KCTD9: variants seen among roughly 807,000 people sequenced by gnomAD.
KCTD9 encodes the protein potassium channel tetramerization domain containing 9, also known as BTB/POZ domain-containing protein KCTD9.
A neutral mutation model predicts 53.3 loss-of-function variants in KCTD9; 17 were observed. The ratio of observed to expected loss-of-function variants is 0.32; its 90% CI spans 0.22 to 0.48. KCTD9 has a LOEUF of 0.48. KCTD9 is among the 20% of genes least tolerant of loss of function. KCTD9 has a pLI of 0.99. For missense variants in KCTD9, 179 were observed against 465.5 expected (o/e 0.38, Z 5.66); for synonymous variants, 128 against 162.7 (o/e 0.79, Z 1.62).
intron 11 of KCTD9, among the ~76,000 whole-genome samples, chr8:25,431,709 C>T (rs1801933820): frequency 6.6e-6 from 1 of 151,782 alleles, no homozygotes; most frequent in Non-Finnish European, 1.5e-5. Flanking sequence ...TTCTTTTTGC[C>T]TTGAAGTTGA....
chr8:25,441,274 A>C (rs1228387943), intron 3 of KCTD9, among the ~76,000 whole-genome samples: 1 of 152,172 alleles, frequency 6.6e-6, no homozygotes, highest in African/African-American at 2.4e-5. Flanking sequence ...TCACAAAAAC[A>C]ACAGAAAAGG....
At chr8:25,445,519 C>T (rs1802200017) in intron 2 of KCTD9, among the ~76,000 whole-genome samples, 1 of 152,114 alleles carries the variant, frequency 6.6e-6, no homozygotes, top group South Asian at 2.1e-4. Context: ...ATAGTCAATA[C>T]TTAATTTGTG....
At chr8:25,442,910 A>T in intron 3 of KCTD9, among the ~76,000 whole-genome samples, 1 of 152,198 alleles carries the variant, frequency 6.6e-6, no homozygotes, top group East Asian at 1.9e-4. Context: ...ATGTGACATT[A>T]TAATTCTATT....
Position 25,458,284 on chromosome 8 carries a change from C to T in KCTD9, c.-38G>A. On this transcript the variant is annotated 5_prime_UTR_variant, in exon 1 of 12. Transcript: ENST00000221200. ...GCTGGGTCCTGAGTGAGCCGCCACCCTCCCACCTGGTCCTCCTCCCACCTT... is the reference window on the plus strand; with the variant it reads ...GCTGGGTCCTGAGTGAGCCGCCACCTTCCCACCTGGTCCTCCTCCCACCTT... 2 of 1,608,386 alleles carry T rather than the reference C, an allele frequency of 1.2e-6. No homozygotes were observed. Among genetic ancestry groups the T allele is most frequent in the Non-Finnish European group, 1.7e-6 (2 of 1,177,882 alleles).
chr8:25,435,427 A>C lies in KCTD9; in HGVS notation c.749T>G (p.Leu250Arg). The C allele has an allele frequency of 6.2e-7, 1 of 1,612,498 alleles. No homozygotes were observed. The highest frequency in any genetic ancestry group is 8.5e-7 in the Non-Finnish European group (1 of 1,179,216). ...FKMANLSRCN[L>R]AHANLCCANL... is the part of the protein sequence containing the mutation. ...TGCACAGCAAAGATTTGCATGTGCAAGATTACAGCGGCTTAAATTGGCCAT... is the reference window on the plus strand; with the variant it reads ...TGCACAGCAAAGATTTGCATGTGCACGATTACAGCGGCTTAAATTGGCCAT... Residue 250 changes from leucine to arginine, a missense_variant, in exon 9 of 12, where the codon CTT becomes CGT. This residue lies in a region of KCTD9 where 32 missense variants were observed against 55.7 expected (regional missense o/e 0.57). Transcript: ENST00000221200.
At chr8:25,448,252 T>C (rs937336696) in intron 1 of KCTD9, among the ~76,000 whole-genome samples, 1 of 152,188 alleles carries the variant, frequency 6.6e-6, no homozygotes, top group Non-Finnish European at 1.5e-5. Flanking sequence ...ATGAACCTTT[T>C]TGACAGTATG....
At chr8:25,454,683 T>G (rs556596407) in intron 1 of KCTD9, among the ~76,000 whole-genome samples, 1 of 152,314 alleles carries the variant, frequency 6.6e-6, no homozygotes, top group African/African-American at 2.4e-5. Context: ...AAACCAAAGA[T>G]TCCAGTGATT....
Position 25,433,400 on chromosome 8 carries a change from A to C in KCTD9, c.849T>G (p.Ser283=). ...ANLQGVKMLC[S]NAEGASLKLC... is the part of the protein sequence containing the mutation. ...GTTTCAGGGATGCTCCTTCTGCATT[A>C]GAACAGAGCATCTTGACTCCCTGGA... Residue 283 remains serine (S), a synonymous_variant, in exon 10 of 12, where the codon TCT becomes TCG. Transcript: ENST00000221200. The C allele has an allele frequency of 6.2e-7, 1 of 1,608,594 alleles. No individual in the cohort carries two copies. The highest frequency in any genetic ancestry group is 8.5e-7 in the Non-Finnish European group (1 of 1,177,010).
chr8:25,431,304 C>T (rs1480728308), intron 11 of KCTD9, among the ~76,000 whole-genome samples: 1 of 151,852 alleles, frequency 6.6e-6, no homozygotes, highest in Non-Finnish European at 1.5e-5. Flanking sequence ...AAGGAACTGC[C>T]CTTCTTTTTA....
At chr8:25,431,966 T>C (rs759064331) in intron 11 of KCTD9, among the ~76,000 whole-genome samples, 25 of 152,222 alleles carry the variant, frequency 1.6e-4, no homozygotes, top group Non-Finnish European at 3.2e-4. Flanking sequence ...ATATGGGTGG[T>C]AGCTACTATA....
At chr8:25,448,738 A>G (rs939130308) in intron 1 of KCTD9, among the ~76,000 whole-genome samples, 2 of 151,904 alleles carry the variant, frequency 1.3e-5, no homozygotes, top group Non-Finnish European at 2.9e-5. Context: ...AACACAGTGA[A>G]ACCCCATCTC....
intron 1 of KCTD9, among the ~76,000 whole-genome samples, chr8:25,453,186 A>T (rs991783650): frequency 6.6e-6 from 1 of 151,828 alleles, no homozygotes; most frequent in Non-Finnish European, 1.5e-5. Flanking sequence ...GTGAAACCCC[A>T]TCTCTACTAA....
intron 1 of KCTD9, among the ~76,000 whole-genome samples, chr8:25,449,001 A>G (rs1355797528): frequency 1.3e-5 from 2 of 152,196 alleles, no homozygotes; most frequent in Non-Finnish European, 2.9e-5. Flanking sequence ...ACAGTGAGGT[A>G]TTCTGTAATT....
intron 1 of KCTD9, among the ~76,000 whole-genome samples, chr8:25,456,816 ATT>A (rs759143267): frequency 1.1e-4 from 16 of 152,184 alleles, no homozygotes; most frequent in Non-Finnish European, 2.1e-4. Context: ...AGGTTTAAAT[ATT>A]TGTCTTCCAT....
intron 4 of KCTD9, among the ~76,000 whole-genome samples, 191 bp downstream of exon 4, chr8:25,440,386 T>C (rs1273768417): frequency 6.6e-6 from 1 of 152,236 alleles, no homozygotes; most frequent in Non-Finnish European, 1.5e-5. Context: ...ACTGAAGTGA[T>C]GCCTTTTATG....
intron 1 of KCTD9, among the ~76,000 whole-genome samples, chr8:25,456,692 T>C (rs1246216009): frequency 6.6e-6 from 1 of 152,066 alleles, no homozygotes; most frequent in Non-Finnish European, 1.5e-5. Flanking sequence ...CAAAACTAGA[T>C]AGCTTAAAAA....
chr8:25,452,919 C>G (rs1802355191), intron 1 of KCTD9, among the ~76,000 whole-genome samples: 1 of 152,122 alleles, frequency 6.6e-6, no homozygotes, highest in Admixed American at 6.5e-5. Flanking sequence ...GTAGTCGCAG[C>G]ACCTTGGGAG....
At chr8:25,444,142 A>T in intron 3 of KCTD9, 150 bp downstream of exon 3, 2 of 704,032 alleles carry the variant, frequency 2.8e-6, no homozygotes, top group Non-Finnish European at 4.8e-6. Flanking sequence ...ACTTTAACAT[A>T]CCCAATGCAG....
At chr8:25,458,155 C>A (rs1345302669) in intron 1 of KCTD9, 44 bp downstream of exon 1, 2 of 1,519,382 alleles carry the variant, frequency 1.3e-6, no homozygotes, top group Admixed American at 3.8e-5. Flanking sequence ...CGTCCGCCCT[C>A]GCCCCGACCC....
Sources: gnomAD v4.1 joint callset for allele counts (sites outside exome capture counted in the v4.1 genomes callset) on GRCh38, gnomAD v4.1.1 for gene constraint, gnomAD v4.1.1 regional missense constraint, MANE v1.5 for transcripts, NCBI Gene and HGNC (gene_info 2026-07-23, HGNC 2026-07-21) for gene names.